The following HOGA1 variants were observed in gnomAD, a reference collection of about 807,000 sequenced individuals.
HOGA1 encodes the protein 4-hydroxy-2-oxoglutarate aldolase 1, also known as 4-hydroxy-2-oxoglutarate aldolase, mitochondrial.
HOGA1 carries 30 observed loss-of-function variants against 34.3 expected under a neutral mutation model. The ratio of observed to expected loss-of-function variants is 0.87; its 90% CI spans 0.65 to 1.19. The LOEUF is 1.19. Among genes scored for constraint, HOGA1 ranks in the 50% most tolerant of loss-of-function variants. The probability of loss-of-function intolerance (pLI) is 0.00; values close to 1 mark genes in which losing one functional copy is unlikely to be tolerated. For missense variants in HOGA1, 417 were observed against 436.5 expected, an observed-to-expected ratio of 0.96 and a Z score of 0.40; for synonymous variants, 161 against 174.0, an observed-to-expected ratio of 0.93 and a Z score of 0.59.
chr10:97,598,774 G>A lies in HOGA1; in HGVS notation c.212-1G>A, dbSNP rs1209105017. On this transcript the variant is annotated splice_acceptor_variant, in intron 1 of 6. Coordinates refer to ENST00000370646, the MANE Select transcript of HOGA1 (RefSeq NM_138413.4). LOFTEE classifies it high-confidence loss of function. Reference sequence around the variant, plus strand: ...GAGTTAGTCAGCTGTGTCTCTTGCAGGCTTCGTGGTCCAGGGCTCCAATGG... The same window carrying A: ...GAGTTAGTCAGCTGTGTCTCTTGCAAGCTTCGTGGTCCAGGGCTCCAATGG... The A allele has an allele frequency of 6.2e-7, 1 of 1,614,228 alleles. No individual in the cohort carries two copies. Among genetic ancestry groups the A allele is most frequent in the East Asian group, 2.2e-5 (1 of 44,888 alleles).
chr10:97,611,430 T>C, intron 6 of HOGA1, 80 bp from the exon 7 acceptor site: 3 of 1,532,868 alleles, frequency 2.0e-6, no homozygotes, highest in South Asian at 1.1e-5. Flanking sequence ...TTCAATGTTC[T>C]GAAAGTGACA....
chr10:97,599,800 G>A lies in HOGA1; in HGVS notation c.589G>A (p.Asp197Asn). Residue 197 changes from aspartate (D) to asparagine (N), a missense_variant, in exon 4 of 7, where the codon GAC (aspartate) becomes AAC (asparagine). Coordinates refer to ENST00000370646, the MANE Select transcript of HOGA1 (RefSeq NM_138413.4). ...GCACCCGAATATTGTGGGCATGAAG[G>A]ACAGCGGTGGTGATGTGAGTGGCAG... is the stretch of plus-strand genomic sequence containing the variant. ...SQHPNIVGMKDSGGDVTRIGL... is the reference protein window; with the variant it reads ...SQHPNIVGMKNSGGDVTRIGL... 1 of 1,614,208 alleles carries A rather than the reference G, an allele frequency of 6.2e-7. No homozygotes were observed. Among genetic ancestry groups the A allele is most frequent in the Non-Finnish European group, 8.5e-7 (1 of 1,180,042 alleles).
At position 97,584,910 on chromosome 10, in the gene HOGA1, C is replaced by T. The variant is rs1345061102; in HGVS notation, c.207C>T (p.Phe69=). 13 of 1,613,798 alleles carry T rather than the reference C, an allele frequency of 8.1e-6. No homozygotes were observed. Among genetic ancestry groups the T allele is most frequent in the Non-Finnish European group, 1.1e-5 (13 of 1,179,904 alleles). ...ENLHKLGTFP[F]RGFVVQGSNG... is the part of the protein sequence containing the mutation. Reference sequence around the variant, plus strand: ...TGCACAAACTGGGCACCTTCCCCTTCCGAGGTAAGTGGGGCTGTCCTCTGT... The same window carrying T: ...TGCACAAACTGGGCACCTTCCCCTTTCGAGGTAAGTGGGGCTGTCCTCTGT... Residue 69 remains phenylalanine, a synonymous_variant, in exon 1 of 7, where the codon TTC becomes TTT. Coordinates refer to ENST00000370646, the MANE Select transcript of HOGA1 (RefSeq NM_138413.4).
chr10:97,598,687 A>C lies in HOGA1; in HGVS notation c.212-88A>C. 4.0e-6 allele frequency: 6 copies of C among 1,509,766 alleles called. No homozygotes were observed. The South Asian group carries it at 6.8e-5, about 17-fold the overall frequency. The allele number at this position is 1,509,766 out of a possible 1,614,324, so 93.5% of individuals were successfully genotyped here. On this transcript the variant is annotated intron_variant, in intron 1 of 6. Coordinates refer to ENST00000370646, the MANE Select transcript of HOGA1 (RefSeq NM_138413.4). ...GCAAAGATGGGAAGGAAATGTGTGA[A>C]AGATTATGGTGTCGTAAGGTAGGAA...
intron 1 of HOGA1, among the ~76,000 whole-genome samples, chr10:97,587,935 C>T (rs1057263481): frequency 4.6e-5 from 7 of 151,754 alleles, no homozygotes; most frequent in African/African-American, 1.4e-4. Context: ...CTCAGCCTCC[C>T]GAGTAGCTGG....
At chr10:97,586,295 G>C (rs2040971050) in intron 1 of HOGA1, among the ~76,000 whole-genome samples, 1 of 152,196 alleles carries the variant, frequency 6.6e-6, no homozygotes, top group South Asian at 2.1e-4. Flanking sequence ...ATAAATTGTG[G>C]AGTAATATAC....
At chr10:97,587,393 C>T (rs1287438302) in intron 1 of HOGA1, among the ~76,000 whole-genome samples, 1 of 152,152 alleles carries the variant, frequency 6.6e-6, no homozygotes, top group Non-Finnish European at 1.5e-5. Flanking sequence ...TGGAGACCAG[C>T]CTGGCCAACA....
At chr10:97,594,389 C>G (rs1345077150) in intron 1 of HOGA1, among the ~76,000 whole-genome samples, 1 of 151,636 alleles carries the variant, frequency 6.6e-6, no homozygotes, top group African/African-American at 2.4e-5. Context: ...GAGTCTTACA[C>G]TGTCACCCAG....
intron 2 of HOGA1, 66 bp from the exon 3 acceptor site, chr10:97,599,023 G>C: frequency 1.2e-6 from 2 of 1,608,116 alleles, no homozygotes; most frequent in Non-Finnish European, 1.7e-6. Flanking sequence ...AGGCACCTTC[G>C]CTTGGCCCAG....
In HOGA1 at chr10:97,584,895, G is replaced by C. The variant is rs765289362; in HGVS notation, c.192G>C (p.Leu64=). ...YGKLEENLHK[L]GTFPFRGFVV... The stretch of plus-strand genomic sequence containing the variant: ...AACTGGAGGAGAATCTGCACAAACT[G>C]GGCACCTTCCCCTTCCGAGGTAAGT... Residue 64 remains leucine (L), a synonymous_variant, in exon 1 of 7, where the codon CTG becomes CTC. Coordinates refer to ENST00000370646, the MANE Select transcript of HOGA1 (RefSeq NM_138413.4). 6.2e-7 allele frequency: 1 copy of C among 1,614,020 alleles called. No individual in the cohort carries two copies. Among genetic ancestry groups the C allele is most frequent in the Non-Finnish European group, 8.5e-7 (1 of 1,180,040 alleles).
chr10:97,598,456 G>A (rs1188731652), intron 1 of HOGA1, among the ~76,000 whole-genome samples: 1 of 152,180 alleles, frequency 6.6e-6, no homozygotes, highest in East Asian at 1.9e-4. Flanking sequence ...AACTGCAGAA[G>A]GCTATTTAAG....
intron 1 of HOGA1, among the ~76,000 whole-genome samples, chr10:97,586,992 C>A (rs1481563395): frequency 6.6e-6 from 1 of 152,188 alleles, no homozygotes; most frequent in Non-Finnish European, 1.5e-5. Flanking sequence ...AACCACTTAA[C>A]CTTTCAAATC....
At chr10:97,597,899 G>A (rs550083308) in intron 1 of HOGA1, among the ~76,000 whole-genome samples, 17 of 152,284 alleles carry the variant, frequency 1.1e-4, no homozygotes, top group South Asian at 6.2e-4. Flanking sequence ...GCCGTGAGCC[G>A]TGATTGTGAC....
chr10:97,587,878 C>T lies in HOGA1; in HGVS notation c.211+2964C>T, dbSNP rs546335570. On this transcript the variant is annotated intron_variant, in intron 1 of 6. Transcript: ENST00000370646. Reference sequence around the variant, plus strand: ...AGGCTGGACTGCAGTGGCACGATCTCGGCTCACTGCAACCTCTGCCTCCTG... The same window carrying T: ...AGGCTGGACTGCAGTGGCACGATCTTGGCTCACTGCAACCTCTGCCTCCTG... Among the ~76,000 whole-genome samples the T allele has an allele frequency of 6.7e-4, 102 of 152,064 alleles. 2 individuals are homozygous for T. In the South Asian group the frequency reaches 0.017, roughly 26 times the overall value.
chr10:97,588,555 G>C (rs188198979), intron 1 of HOGA1, among the ~76,000 whole-genome samples: 1 of 152,298 alleles, frequency 6.6e-6, no homozygotes, highest in East Asian at 1.9e-4. Context: ...CTAGAGGAAG[G>C]GGTCATTACA....
chr10:97,602,451 G>C, intron 6 of HOGA1: 1 of 985,306 alleles, frequency 1.0e-6, no homozygotes, highest in Non-Finnish European at 1.2e-6. Flanking sequence ...TCAAATAATC[G>C]GTTCTGTGGT....
chr10:97,589,650 C>A, intron 1 of HOGA1: 1 of 334,926 alleles, frequency 3.0e-6, no homozygotes. Context: ...CAACTGCCTT[C>A]CTCACAATGG....
intron 1 of HOGA1, among the ~76,000 whole-genome samples, chr10:97,591,869 C>T (rs1392157343): frequency 7.8e-6 from 1 of 128,412 alleles, no homozygotes; most frequent in Admixed American, 8.2e-5. Context: ...GACAGAGTCT[C>T]GCTTCATTGC....
At position 97,601,859 on chromosome 10, in the gene HOGA1, G is replaced by A. The variant is rs761904051; in HGVS notation, c.703G>A (p.Ala235Thr). 2 of 1,612,204 alleles carry A rather than the reference G, an allele frequency of 1.2e-6. No homozygotes were observed. Among genetic ancestry groups the A allele is most frequent in the African/African-American group, 2.7e-5 (2 of 74,864 alleles). Residue 235 changes from alanine (A) to threonine (T), a missense_variant and splice_region_variant, in exon 6 of 7, where the codon GCT (alanine) becomes ACT (threonine). Ala to Thr is a moderately conservative substitution (Grantham distance 58). Coordinates refer to ENST00000370646, the MANE Select transcript of HOGA1 (RefSeq NM_138413.4). ...GTTCTGCGTCTTACTTCGTGCAGGA[G>A]CTGTGGGGGGCGTCTGCGCCCTGGC... is the stretch of plus-strand genomic sequence containing the variant. Reference protein sequence around the residue: ...GFLMASYALGAVGGVCALANV... With the variant: ...GFLMASYALGTVGGVCALANV...
Sources: allele counts gnomAD v4.1 joint callset (sites outside exome capture counted in the v4.1 genomes callset), GRCh38; gene constraint gnomAD v4.1.1; transcripts MANE v1.5; gene names NCBI Gene and HGNC (gene_info 2026-07-23, HGNC 2026-07-21).